RGPD4: variants seen among roughly 807,000 people sequenced by gnomAD.
RGPD4 encodes RANBP2 like and GRIP domain containing 4.
Under a neutral mutation model 141.1 loss-of-function variants are expected in RGPD4, and 84 were observed. The observed-to-expected ratio is 0.60, with a 90% CI of 0.50 to 0.71. The LOEUF (loss-of-function observed/expected upper bound fraction) is 0.71. Ranked by LOEUF, RGPD4 falls within the 30% of genes least tolerant of loss-of-function variation. RGPD4 has a pLI of 0.00. For synonymous variants in RGPD4, 298 were observed against 566.8 expected, an observed-to-expected ratio of 0.53 and a Z score of 6.74; for missense variants, 918 against 1,622.4, an observed-to-expected ratio of 0.57 and a Z score of 7.46.
At chr2:107,852,250 C>CA (rs374226591) in intron 7 of RGPD4, among the ~76,000 whole-genome samples, 8,134 of 112,978 alleles carry the variant, frequency 0.072, 242 homozygotes, top group African/African-American at 0.17. Context: ...GACTCCATCT[C>CA]AAAAAAAAAA....
At position 107,871,722 on chromosome 2, in the gene RGPD4, C is replaced by T; in HGVS notation, c.3718C>T (p.Pro1240Ser). 3.1e-6 allele frequency: 5 copies of T among 1,610,654 alleles called. No homozygotes were observed. Among genetic ancestry groups the T allele is most frequent in the Non-Finnish European group, 4.2e-6 (5 of 1,179,706 alleles). ...CTCAGACACAACAATAAAACCCAAT[C>T]CTGAAAACACTGGGCCCACATTAGA... ...GASDTTIKPN[P>S]ENTGPTLEWD... The change falls in exon 20 of 23, where the codon CCT becomes TCT. Residue 1240 changes from proline to serine, a missense_variant. Pro to Ser is a moderately conservative substitution (Grantham distance 74). Coordinates refer to ENST00000408999, the MANE Select transcript of RGPD4 (RefSeq NM_182588.3).
At position 107,826,959 on chromosome 2, in the gene RGPD4, T is replaced by G; in HGVS notation, c.-55T>G. ...GCGCTTTCCTGTTGGAATTGGCGAC[T>G]GCTGCGGGGCTGAGCGCTGGTTTCA... On this transcript the variant is annotated 5_prime_UTR_variant, in exon 1 of 23. Transcript: ENST00000408999. 3 of 1,563,286 alleles carry G rather than the reference T, an allele frequency of 1.9e-6. No homozygotes were observed. Among genetic ancestry groups the G allele is most frequent in the Non-Finnish European group, 1.7e-6 (2 of 1,155,148 alleles).
At chr2:107,852,219 T>A (rs1682140131) in intron 7 of RGPD4, among the ~76,000 whole-genome samples, 1 of 130,240 alleles carries the variant, frequency 7.7e-6, no homozygotes, top group Admixed American at 7.7e-5. Context: ...ACTGCAGCAC[T>A]GCAGCCTGGC....
intron 1 of RGPD4, among the ~76,000 whole-genome samples, chr2:107,830,973 C>T (rs549146565): frequency 7.2e-5 from 11 of 151,978 alleles, no homozygotes; most frequent in Admixed American, 1.3e-4. Flanking sequence ...TTTGGGAGGC[C>T]GAGAGACCAG....
At chr2:107,846,169 G>A (rs1312549341) in intron 6 of RGPD4, among the ~76,000 whole-genome samples, 42 of 148,778 alleles carry the variant, frequency 2.8e-4, no homozygotes, top group South Asian at 1.1e-3. Flanking sequence ...CTTGTGATCC[G>A]CCTGCCTCAG....
intron 9 of RGPD4, among the ~76,000 whole-genome samples, chr2:107,857,968 G>T (rs903411687): frequency 6.6e-6 from 1 of 152,038 alleles, no homozygotes; most frequent in African/African-American, 2.4e-5. Context: ...CAGCCTGGGC[G>T]ACAGAGCGAG....
chr2:107,849,365 T>G (rs1484340496), intron 7 of RGPD4, among the ~76,000 whole-genome samples: 1 of 16,964 alleles, frequency 5.9e-5, no homozygotes, highest in Non-Finnish European at 1.9e-4. Context: ...GCCTGGCCTT[T>G]TTTTTTTTTT....
chr2:107,834,238 A>T (rs1367951646), intron 1 of RGPD4, among the ~76,000 whole-genome samples: 7 of 149,912 alleles, frequency 4.7e-5, no homozygotes, highest in East Asian at 2.0e-4. Flanking sequence ...CATTTTTTTC[A>T]TTTAGATGCG....
chr2:107,828,761 C>T (rs1164138965), intron 1 of RGPD4, among the ~76,000 whole-genome samples: 1 of 31,316 alleles, frequency 3.2e-5, no homozygotes, highest in Non-Finnish European at 7.1e-5. Context: ...CTCGATGGCT[C>T]AGGCATCATG....
rs546295021 is a variant in RGPD4 at position 107,857,976 on chromosome 2, G to A, written c.1276+1007G>A. ...TGCACTACAGCCTGGGCGACAGAGC[G>A]AGACTTCGTCTCAAAAACAAAAAGT... On this transcript the variant is annotated intron_variant, in intron 9 of 22. Coordinates refer to ENST00000408999, the MANE Select transcript of RGPD4 (RefSeq NM_182588.3). Among the ~76,000 whole-genome samples, 18 of 152,148 alleles carry A rather than the reference G, an allele frequency of 1.2e-4. 1 individual carries two copies. The highest frequency in any genetic ancestry group is 2.7e-4 in the African/African-American group (11 of 41,392).
In RGPD4 at chr2:107,890,787, G is replaced by A. The variant is rs1407768063; in HGVS notation, c.*56G>A. 6.9e-6 allele frequency: 11 copies of A among 1,596,500 alleles called. No homozygotes were observed. The highest frequency in any genetic ancestry group is 1.7e-4 in the Middle Eastern group (1 of 5,984). The stretch of plus-strand genomic sequence containing the variant: ...TATCTTCGTAGTTGGTTTGGACTTC[G>A]ATAGGTTGATGGAAGGAATATTTTT... On this transcript the variant is annotated 3_prime_UTR_variant, in exon 23 of 23. Transcript: ENST00000408999.
Position 107,831,387 on chromosome 2 carries a change from A to G in RGPD4, c.72+4302A>G, listed in dbSNP as rs529728404. On this transcript the variant is annotated intron_variant, in intron 1 of 22. Transcript: ENST00000408999. Reference sequence around the variant, plus strand: ...TATGTTGCTCATCAAATTTTTGGGCATAAATGATCCTCCTACCTCTGTTTC... The same window carrying G: ...TATGTTGCTCATCAAATTTTTGGGCGTAAATGATCCTCCTACCTCTGTTTC... Among the ~76,000 whole-genome samples the G allele has an allele frequency of 2.4e-3, 345 of 144,426 alleles. 1 individual carries two copies. The highest frequency in any genetic ancestry group is 7.8e-3 in the African/African-American group (314 of 40,348). The allele number at this position is 144,426 out of a possible 152,430, so 94.7% of individuals were successfully genotyped here.
At chr2:107,828,722 C>T (rs1353440573) in intron 1 of RGPD4, among the ~76,000 whole-genome samples, 1 of 32,482 alleles carries the variant, frequency 3.1e-5, no homozygotes, top group Non-Finnish European at 6.6e-5. Flanking sequence ...GGCCGGGCGG[C>T]GGCGGCCTCG....
At position 107,832,694 on chromosome 2, in the gene RGPD4, C is replaced by G. The variant is rs1428458530; in HGVS notation, c.73-3908C>G. Among the ~76,000 whole-genome samples the G allele has an allele frequency of 2.0e-5, 3 of 150,682 alleles. No homozygotes were observed. In the East Asian group the frequency reaches 5.8e-4, roughly 29 times the overall value. ...ATGGTATGTCTTTAAAACGTCTTTA[C>G]TTAATTTAGTTGATCATTTGGTTAT... On this transcript the variant is annotated intron_variant, in intron 1 of 22. Transcript: ENST00000408999.
intron 1 of RGPD4, among the ~76,000 whole-genome samples, chr2:107,831,552 AT>A (rs1202962450): frequency 3.6e-4 from 31 of 85,750 alleles, no homozygotes; most frequent in Non-Finnish European, 5.9e-4. Flanking sequence ...CATTTTAGAC[AT>A]TTTCTTTTCT....
rs1469655927 is a variant in RGPD4 at position 107,872,351 on chromosome 2, AC to A, written c.4348del (p.Leu1450TyrfsTer24). ...TAGAGCATTTAGCTGTTCGTTTTAA[AC>A]TACAGGATGTTGCAGACTCGTTTAA... ...KVEHLAVRFKLQDVADSFKKI... is the reference protein window; with the variant it reads ...KVEHLAVRFKXQDVADSFKKI... On this transcript the variant is annotated frameshift_variant, in exon 20 of 23. Coordinates refer to ENST00000408999, the MANE Select transcript of RGPD4 (RefSeq NM_182588.3). LOFTEE classifies it high-confidence loss of function. 1.9e-6 allele frequency: 3 copies of A among 1,600,046 alleles called. No individual in the cohort carries two copies. In the African/African-American group the frequency reaches 4.2e-5, roughly 22 times the overall value.
At chr2:107,889,034 G>T (rs968637923) in intron 22 of RGPD4, among the ~76,000 whole-genome samples, 11 of 144,728 alleles carry the variant, frequency 7.6e-5, no homozygotes, top group African/African-American at 2.2e-4. Context: ...AGACAGAACA[G>T]AAAAATAAAA....
chr2:107,827,681 C>G (rs1314972164), intron 1 of RGPD4, among the ~76,000 whole-genome samples: 1 of 51,334 alleles, frequency 1.9e-5, no homozygotes, highest in Non-Finnish European at 4.1e-5. Flanking sequence ...GCGGCGGCCT[C>G]GACCTGGCTG....
rs865796052 is a variant in RGPD4 at position 107,828,007 on chromosome 2, G to C, written c.72+922G>C. On this transcript the variant is annotated intron_variant, in intron 1 of 22. Coordinates refer to ENST00000408999, the MANE Select transcript of RGPD4 (RefSeq NM_182588.3). ...TCTGTTGAGGCGGCGGCCTCGACCC[G>C]GCCCGGCGGCGGCCGCGATGGCTCA... 1.7e-3 allele frequency among the ~76,000 whole-genome samples: 101 copies of C among 60,752 alleles called. 1 individual carries two copies. Among genetic ancestry groups the C allele is most frequent in the African/African-American group, 7.1e-3 (88 of 12,426 alleles). The allele number at this position is 60,752 out of a possible 152,430, so 39.9% of individuals were successfully genotyped here.
Sources: allele counts gnomAD v4.1 joint callset (sites outside exome capture counted in the v4.1 genomes callset), GRCh38; gene constraint gnomAD v4.1.1; transcripts MANE v1.5; gene names NCBI Gene and HGNC (gene_info 2026-07-23, HGNC 2026-07-21).